CLIC4: variants seen among roughly 807,000 people sequenced by gnomAD.
The protein encoded by CLIC4 is CLIC family member 4.
Under a neutral mutation model 24.6 loss-of-function variants are expected in CLIC4, and 13 were observed. The observed-to-expected ratio is 0.53, with a 90% CI of 0.34 to 0.84. The LOEUF is 0.84. Ranked by LOEUF, CLIC4 falls within the 40% of genes least tolerant of loss-of-function variation. CLIC4 has a pLI of 0.01. For missense variants in CLIC4, 227 were observed against 301.7 expected, an observed-to-expected ratio of 0.75 and a Z score of 1.83; for synonymous variants, 104 against 111.3, an observed-to-expected ratio of 0.93 and a Z score of 0.41.
intron 1 of CLIC4, among the ~76,000 whole-genome samples, chr1:24,755,712 T>A (rs551103230): frequency 3.1e-4 from 47 of 151,582 alleles, no homozygotes; most frequent in African/African-American, 1.1e-3. Context: ...AAAAAAAAAA[T>A]AATAAAACCA....
chr1:24,787,072 C>T (rs1386123289), intron 1 of CLIC4, among the ~76,000 whole-genome samples: 1 of 152,178 alleles, frequency 6.6e-6, no homozygotes, highest in Non-Finnish European at 1.5e-5. Flanking sequence ...CAGGCATGAG[C>T]CACCACACCT....
At chr1:24,750,472 T>C (rs1638761039) in intron 1 of CLIC4, among the ~76,000 whole-genome samples, 1 of 150,958 alleles carries the variant, frequency 6.6e-6, no homozygotes, top group Non-Finnish European at 1.5e-5. Context: ...GTTTCGCTCT[T>C]GTTACCCCTC....
rs181858411 is a variant in CLIC4 at position 24,825,370 on chromosome 1, T to C, written c.309-1640T>C. On this transcript the variant is annotated intron_variant, in intron 3 of 5. Coordinates refer to ENST00000374379, the MANE Select transcript of CLIC4 (RefSeq NM_013943.3). ...CAAACATTTAAACTGGAGGCTTGTT[T>C]GTATAGTCAAGGAAAATCCAGGGAT... is the stretch of plus-strand genomic sequence containing the variant. Among the ~76,000 whole-genome samples the C allele has an allele frequency of 8.3e-4, 126 of 152,290 alleles. 1 individual carries two copies. The highest frequency in any genetic ancestry group is 1.5e-3 in the Non-Finnish European group (105 of 68,032).
chr1:24,784,775 G>A (rs1381396571), intron 1 of CLIC4, among the ~76,000 whole-genome samples: 1 of 152,096 alleles, frequency 6.6e-6, no homozygotes, highest in Non-Finnish European at 1.5e-5. Flanking sequence ...GGAGGCCGAG[G>A]CAGGCGGATC....
intron 1 of CLIC4, among the ~76,000 whole-genome samples, chr1:24,780,558 C>A (rs901669670): frequency 1.3e-5 from 2 of 152,152 alleles, no homozygotes; most frequent in African/African-American, 4.8e-5. Flanking sequence ...AAGAGGTCTT[C>A]CATGGTCATC....
At chr1:24,809,704 A>C (rs1340617400) in intron 2 of CLIC4, among the ~76,000 whole-genome samples, 2 of 151,956 alleles carry the variant, frequency 1.3e-5, no homozygotes, top group South Asian at 4.1e-4. Flanking sequence ...CAGGTGATCC[A>C]CCCGCTTCGG....
At chr1:24,823,412 A>G (rs1448090969) in intron 3 of CLIC4, among the ~76,000 whole-genome samples, 1 of 152,224 alleles carries the variant, frequency 6.6e-6, no homozygotes, top group Non-Finnish European at 1.5e-5. Context: ...TGATAAAAGG[A>G]TAAAATAGAA....
At chr1:24,783,423 C>T (rs1040379142) in intron 1 of CLIC4, among the ~76,000 whole-genome samples, 4 of 152,070 alleles carry the variant, frequency 2.6e-5, no homozygotes, top group South Asian at 2.1e-4. Context: ...AATTTGTGGC[C>T]GGTCGTGGTG....
chr1:24,774,811 C>T (rs1044237085), intron 1 of CLIC4, among the ~76,000 whole-genome samples: 4 of 152,158 alleles, frequency 2.6e-5, no homozygotes, highest in Admixed American at 6.5e-5. Flanking sequence ...TGGCTCATGC[C>T]TATAATCACA....
At chr1:24,796,063 A>G (rs1639395907) in intron 1 of CLIC4, among the ~76,000 whole-genome samples, 1 of 152,326 alleles carries the variant, frequency 6.6e-6, no homozygotes. Flanking sequence ...GTTCTGTCCA[A>G]CATAGTAGCC....
chr1:24,790,805 A>G (rs1639325390), intron 1 of CLIC4, among the ~76,000 whole-genome samples: 1 of 152,216 alleles, frequency 6.6e-6, no homozygotes, highest in Admixed American at 6.5e-5. Flanking sequence ...AGGATTGGTT[A>G]CATTAAGTTG....
intron 1 of CLIC4, among the ~76,000 whole-genome samples, chr1:24,769,699 A>T (rs1639048972): frequency 6.6e-6 from 1 of 152,314 alleles, no homozygotes; most frequent in South Asian, 2.1e-4. Context: ...TAGATGGTTC[A>T]TTAGATGACT....
At chr1:24,747,818 T>G (rs972360218) in intron 1 of CLIC4, among the ~76,000 whole-genome samples, 3 of 151,744 alleles carry the variant, frequency 2.0e-5, no homozygotes, top group Non-Finnish European at 4.4e-5. Context: ...GGAGATCACT[T>G]GAGGCCAGGA....
intron 3 of CLIC4, among the ~76,000 whole-genome samples, chr1:24,824,223 A>C (rs1557813501): frequency 3.9e-5 from 6 of 152,258 alleles, no homozygotes; most frequent in Admixed American, 3.9e-4. Flanking sequence ...CAAACAAACA[A>C]ACAAAAACAC....
At chr1:24,840,588 G>A (rs1445044929) in intron 5 of CLIC4, among the ~76,000 whole-genome samples, 185 bp from the exon 6 acceptor site, 2 of 152,162 alleles carry the variant, frequency 1.3e-5, no homozygotes, top group African/African-American at 2.4e-5. Flanking sequence ...CTAAATCCCT[G>A]GTGTAGCTTG....
At chr1:24,820,455 G>C in intron 3 of CLIC4, among the ~76,000 whole-genome samples, 1 of 148,414 alleles carries the variant, frequency 6.7e-6, no homozygotes, top group African/African-American at 2.5e-5. Flanking sequence ...GTAGAGATGG[G>C]GTCTTGCTAT....
At chr1:24,778,180 T>C (rs1639163033) in intron 1 of CLIC4, among the ~76,000 whole-genome samples, 1 of 152,174 alleles carries the variant, frequency 6.6e-6, no homozygotes, top group Non-Finnish European at 1.5e-5. Flanking sequence ...GAAACTATCA[T>C]AGTGGTTGGT....
intron 4 of CLIC4, among the ~76,000 whole-genome samples, chr1:24,827,355 T>G (rs566703596): frequency 6.6e-6 from 1 of 152,326 alleles, no homozygotes; most frequent in Admixed American, 6.5e-5. Context: ...ATAAAATGCT[T>G]CTTGAATGAA....
At chr1:24,823,398 T>A (rs1639753781) in intron 3 of CLIC4, among the ~76,000 whole-genome samples, 2 of 152,314 alleles carry the variant, frequency 1.3e-5, no homozygotes, top group Middle Eastern at 3.4e-3. Flanking sequence ...CTTAGCTAAC[T>A]TACTGATAAA....
Sources: allele counts gnomAD v4.1 joint callset (sites outside exome capture counted in the v4.1 genomes callset), GRCh38; gene constraint gnomAD v4.1.1; transcripts MANE v1.5; gene names NCBI Gene and HGNC (gene_info 2026-07-23, HGNC 2026-07-21).